Variants in TFPI observed in about 807,000 individuals in gnomAD.
The protein encoded by TFPI is tissue factor pathway inhibitor, also known as anti-convertin.
Under a neutral mutation model 34.6 loss-of-function variants are expected in TFPI, and 15 were observed. The observed-to-expected ratio is 0.43, with a 90% CI of 0.29 to 0.67. The LOEUF (loss-of-function observed/expected upper bound fraction) is 0.67. Among genes scored for constraint, TFPI ranks in the 30% least tolerant of loss-of-function variants. The probability of loss-of-function intolerance (pLI) is 0.15; values close to 1 mark genes in which losing one functional copy is unlikely to be tolerated. For synonymous variants in TFPI, 105 were observed against 120.1 expected, an observed-to-expected ratio of 0.87 and a Z score of 0.82; for missense variants, 301 against 364.0, an observed-to-expected ratio of 0.83 and a Z score of 1.41.
At chr2:187,540,514 T>C (rs552611092) in intron 1 of TFPI, among the ~76,000 whole-genome samples, 99 of 152,262 alleles carry the variant, frequency 6.5e-4, no homozygotes, top group African/African-American at 2.3e-3. Context: ...GGACAAAGAA[T>C]GAGCAAAATC....
intron 1 of TFPI, among the ~76,000 whole-genome samples, chr2:187,524,054 G>A (rs1441794121): frequency 1.3e-5 from 2 of 151,874 alleles, no homozygotes; most frequent in Non-Finnish European, 2.9e-5. Flanking sequence ...ACTGTTTTCA[G>A]GCTCCATTCA....
At chr2:187,467,335 G>A (rs947502635) in intron 7 of TFPI, among the ~76,000 whole-genome samples, 4 of 151,826 alleles carry the variant, frequency 2.6e-5, no homozygotes, top group African/African-American at 9.7e-5. Flanking sequence ...GGTTGTATGT[G>A]GTTGATTAAG....
rs185405737 is a variant in TFPI at position 187,534,914 on chromosome 2, T to G, written c.-3+19286A>C. 2.9e-3 allele frequency among the ~76,000 whole-genome samples: 425 copies of G among 147,066 alleles called. 3 individuals carry two copies. Among genetic ancestry groups the G allele is most frequent in the African/African-American group, 0.01 (411 of 40,182 alleles). On this transcript the variant is annotated intron_variant, in intron 1 of 7. Coordinates refer to ENST00000233156, the MANE Select transcript of TFPI (RefSeq NM_006287.6). ...GAAAGCAAAAAAAAAAATAAAAAAA[T>G]AAAAAAAATCAGGGGTTGCAATGCT...
At chr2:187,482,420 A>G (rs1390120764) in intron 6 of TFPI, among the ~76,000 whole-genome samples, 2 of 152,102 alleles carry the variant, frequency 1.3e-5, no homozygotes, top group African/African-American at 4.8e-5. Context: ...CAACGATAGT[A>G]CTTAATTTTT....
At chr2:187,521,839 T>C (rs1010277350) in intron 1 of TFPI, among the ~76,000 whole-genome samples, 4 of 152,096 alleles carry the variant, frequency 2.6e-5, no homozygotes, top group Non-Finnish European at 4.4e-5. Flanking sequence ...AGTGCTGGGA[T>C]TACAAGCGTG....
chr2:187,521,661 C>T (rs1483619960), intron 1 of TFPI, among the ~76,000 whole-genome samples: 7 of 151,994 alleles, frequency 4.6e-5, no homozygotes, highest in East Asian at 3.9e-4. Context: ...CTCCACCTCC[C>T]GGGTTCAAGT....
intron 1 of TFPI, chr2:187,519,454 T>C: frequency 6.5e-6 from 1 of 153,388 alleles, no homozygotes; most frequent in Non-Finnish European, 1.5e-5. Context: ...AGACCCTGTT[T>C]GCCTGGGTAT....
At chr2:187,522,891 A>AAAATAAATAAAT (rs138871269) in intron 1 of TFPI, among the ~76,000 whole-genome samples, 55 of 142,590 alleles carry the variant, frequency 3.9e-4, no homozygotes, top group African/African-American at 1.4e-3. Context: ...ACTGTGTCTC[A>AAAATAAATAAAT]AAATAAATAA....
rs1392126022 is a variant in TFPI, at chr2:187,465,407, G to A, written c.*1529C>T. The A allele has an allele frequency of 9.4e-5, 14 of 148,776 alleles. No individual in the cohort carries two copies. Among genetic ancestry groups the A allele is most frequent in the African/African-American group, 3.2e-4 (13 of 40,374 alleles). 9.2% of individuals were successfully genotyped at this position (148,776 alleles called of 1,614,324 possible). Reference sequence around the variant, plus strand: ...AGTCCCAGCTAGGTGGGAGGTTTCAGTGTCCTGTGATTGCACCACTGCACT... The same window carrying A: ...AGTCCCAGCTAGGTGGGAGGTTTCAATGTCCTGTGATTGCACCACTGCACT... On this transcript the variant is annotated 3_prime_UTR_variant, in exon 8 of 8. Coordinates refer to ENST00000233156, the MANE Select transcript of TFPI (RefSeq NM_006287.6).
chr2:187,469,973 A>T (rs1275196886), intron 6 of TFPI, among the ~76,000 whole-genome samples: 1 of 152,174 alleles, frequency 6.6e-6, no homozygotes, highest in Non-Finnish European at 1.5e-5. Context: ...ATTAATTGCC[A>T]CCACTTTGAT....
At chr2:187,499,766 A>G (rs1685729197) in intron 2 of TFPI, among the ~76,000 whole-genome samples, 2 of 152,148 alleles carry the variant, frequency 1.3e-5, no homozygotes, top group Non-Finnish European at 2.9e-5. Context: ...TTTTACAGCT[A>G]TATACCATTA....
intron 6 of TFPI, among the ~76,000 whole-genome samples, chr2:187,471,164 C>A (rs1692010689): frequency 6.6e-6 from 1 of 152,164 alleles, no homozygotes; most frequent in Admixed American, 6.5e-5. Context: ...GGCGGTTATT[C>A]TTCAGAACAT....
rs535935007 is a variant in TFPI at position 187,488,741 on chromosome 2, A to T, written c.320-366T>A. ...ATTCAAGCAGCCTACATTACATATA[A>T]AAATAATTTGTTAGATAACTGGGAA... On this transcript the variant is annotated intron_variant, in intron 3 of 7. Transcript: ENST00000233156. Among the ~76,000 whole-genome samples the T allele has an allele frequency of 2.6e-5, 4 of 151,624 alleles. No homozygotes were observed. The South Asian group carries it at 8.3e-4, about 31-fold the overall frequency.
intron 1 of TFPI, among the ~76,000 whole-genome samples, chr2:187,504,620 G>T (rs1686077727): frequency 6.7e-6 from 1 of 150,132 alleles, no homozygotes; most frequent in Non-Finnish European, 1.5e-5. Context: ...TTTTAAAGAC[G>T]ACTTCTTCTT....
chr2:187,484,082 A>G, intron 6 of TFPI, 42 bp downstream of exon 6: 1 of 1,515,900 alleles, frequency 6.6e-7, no homozygotes, highest in Non-Finnish European at 9.2e-7. Context: ...TGTTAGCATG[A>G]TAATAGTTTC....
chr2:187,514,155 C>T (rs1166331294), intron 1 of TFPI: 1 of 152,206 alleles, frequency 6.6e-6, no homozygotes, highest in Non-Finnish European at 1.5e-5. Flanking sequence ...GTTCATTTTA[C>T]TAGAGGATCA....
chr2:187,465,513 A>C lies in TFPI; in HGVS notation c.*1423T>G, dbSNP rs1267794468. On this transcript the variant is annotated 3_prime_UTR_variant, in exon 8 of 8. Coordinates refer to ENST00000233156, the MANE Select transcript of TFPI (RefSeq NM_006287.6). The stretch of plus-strand genomic sequence containing the variant: ...AAATGAAAAAAAAAAAAAAACAAGA[A>C]AAAAGAAAAGAAAAAGAAAAAAGTA... The C allele has an allele frequency of 6.6e-6, 1 of 150,980 alleles. No individual in the cohort carries two copies. Among genetic ancestry groups the C allele is most frequent in the Non-Finnish European group, 1.5e-5 (1 of 67,772 alleles). 9.4% of individuals were successfully genotyped at this position (150,980 alleles called of 1,614,324 possible).
rs1356473598 is a variant in TFPI at position 187,465,158 on chromosome 2, G to A, written c.*1778C>T. 1.3e-5 allele frequency: 2 copies of A among 152,188 alleles called. No homozygotes were observed. Among genetic ancestry groups the A allele is most frequent in the Non-Finnish European group, 2.9e-5 (2 of 68,058 alleles). 9.4% of individuals were successfully genotyped at this position (152,188 alleles called of 1,614,324 possible). ...TGAGTTCTGGGAGCATTTTGAAATG[G>A]TGGAGGAATGTACTAAATTTCTGAG... On this transcript the variant is annotated 3_prime_UTR_variant, in exon 8 of 8. Coordinates refer to ENST00000233156, the MANE Select transcript of TFPI (RefSeq NM_006287.6).
intron 1 of TFPI, among the ~76,000 whole-genome samples, chr2:187,538,908 T>C (rs1688414471): frequency 6.6e-6 from 1 of 152,176 alleles, no homozygotes; most frequent in South Asian, 2.1e-4. Context: ...ATTTCAAAAC[T>C]TTGAAAGTTA....
Sources: allele counts gnomAD v4.1 joint callset (sites outside exome capture counted in the v4.1 genomes callset), GRCh38; gene constraint gnomAD v4.1.1; transcripts MANE v1.5; gene names NCBI Gene and HGNC (gene_info 2026-07-23, HGNC 2026-07-21).